Variants in TLL2 observed in about 807,000 individuals in gnomAD.
TLL2 encodes the protein tolloid-like protein 2.
In TLL2, 106 loss-of-function variants were observed where a neutral mutation model predicts 123.0. The ratio of observed to expected loss-of-function variants is 0.86; its 90% CI spans 0.74 to 1.01. TLL2 has a LOEUF of 1.01. Ranked by LOEUF, TLL2 falls within the 50% of genes least tolerant of loss-of-function variation. The probability of loss-of-function intolerance (pLI) is 0.00; values close to 1 mark genes in which losing one functional copy is unlikely to be tolerated. For synonymous variants in TLL2, 494 were observed against 516.8 expected (o/e 0.96, Z 0.60); for missense variants, 1,332 against 1,336.7 (o/e 1.00, Z 0.06).
At chr10:96,397,059 G>A in intron 11 of TLL2, 127 bp downstream of exon 11, 2 of 761,328 alleles carry the variant, frequency 2.6e-6, no homozygotes, top group South Asian at 4.1e-5. Context: ...CTTGCCCCCT[G>A]TGGTGGCTGC....
chr10:96,457,376 G>C (rs966374540), intron 2 of TLL2, among the ~76,000 whole-genome samples: 2 of 152,186 alleles, frequency 1.3e-5, no homozygotes, highest in Admixed American at 1.3e-4. Context: ...CCTACCCCAT[G>C]GTCCAGACTT....
chr10:96,453,582 T>C (rs528532606), intron 2 of TLL2, among the ~76,000 whole-genome samples: 2 of 152,260 alleles, frequency 1.3e-5, no homozygotes, highest in African/African-American at 2.4e-5. Flanking sequence ...AAAAAGGCTA[T>C]AGCAACTACA....
chr10:96,482,066 G>T (rs1158964507), intron 1 of TLL2, among the ~76,000 whole-genome samples: 1 of 152,088 alleles, frequency 6.6e-6, no homozygotes, highest in African/African-American at 2.4e-5. Context: ...GACCATCCTG[G>T]CTAACACGGT....
chr10:96,449,461 G>A (rs1208931389), intron 2 of TLL2, among the ~76,000 whole-genome samples: 2 of 152,204 alleles, frequency 1.3e-5, no homozygotes, highest in Non-Finnish European at 2.9e-5. Context: ...TAAGAATATA[G>A]AGCCCTCCCC....
At chr10:96,449,372 C>G (rs1175589598) in intron 2 of TLL2, among the ~76,000 whole-genome samples, 1 of 152,176 alleles carries the variant, frequency 6.6e-6, no homozygotes, top group Non-Finnish European at 1.5e-5. Context: ...CAAGGCATTG[C>G]CCATCCAGGA....
In TLL2 at chr10:96,376,787, C is replaced by T. The variant is rs764064578; in HGVS notation, c.2353G>A (p.Gly785Arg). ...GGCCAGTTGGGGCTCGCCAGGGTCC[C>T]CTCCACACTGCTGATCTTGTGTGCA... Reference protein sequence around the residue: ...GCAHKISSVEGTLASPNWPDK... With the variant: ...GCAHKISSVERTLASPNWPDK... The change falls in exon 18 of 21, where the codon GGG (glycine) becomes AGG (arginine). Residue 785 changes from glycine to arginine, a missense_variant. Coordinates refer to ENST00000357947, the MANE Select transcript of TLL2 (RefSeq NM_012465.4). 8 of 1,586,112 alleles carry T rather than the reference C, an allele frequency of 5.0e-6. 1 individual carries two copies. The South Asian group carries it at 9.2e-5, about 18-fold the overall frequency.
intron 10 of TLL2, among the ~76,000 whole-genome samples, chr10:96,403,513 A>C (rs935409547): frequency 3.3e-5 from 5 of 152,226 alleles, no homozygotes; most frequent in African/African-American, 1.2e-4. Flanking sequence ...CCTTGTTAAC[A>C]AAATGTTTAC....
At chr10:96,443,198 G>A (rs1196135904) in intron 3 of TLL2, among the ~76,000 whole-genome samples, 1 of 152,212 alleles carries the variant, frequency 6.6e-6, no homozygotes, top group Non-Finnish European at 1.5e-5. Context: ...GTGAGGTCAT[G>A]CCACTTCTCT....
chr10:96,382,533 C>A (rs903818022), intron 16 of TLL2, among the ~76,000 whole-genome samples: 1 of 152,206 alleles, frequency 6.6e-6, no homozygotes, highest in Non-Finnish European at 1.5e-5. Flanking sequence ...TGAATGGGTC[C>A]CCCAAAGTTC....
intron 6 of TLL2, among the ~76,000 whole-genome samples, chr10:96,421,881 T>C (rs1282468019): frequency 6.6e-6 from 1 of 151,974 alleles, no homozygotes; most frequent in East Asian, 1.9e-4. Context: ...AAAAACCTGA[T>C]CTTGCAATTT....
chr10:96,419,930 T>G (rs991504064), intron 7 of TLL2, among the ~76,000 whole-genome samples: 9 of 152,100 alleles, frequency 5.9e-5, no homozygotes, highest in African/African-American at 2.2e-4. Context: ...AGGGCAGGAT[T>G]TGCTGCCAAC....
chr10:96,379,789 T>G (rs1254582153), intron 16 of TLL2, among the ~76,000 whole-genome samples: 1 of 152,180 alleles, frequency 6.6e-6, no homozygotes, highest in African/African-American at 2.4e-5. Context: ...GCCAGTGCAC[T>G]CCAGCCTGGG....
At position 96,442,822 on chromosome 10, in the gene TLL2, G is replaced by A. The variant is rs186026579; in HGVS notation, c.364+3269C>T. Among the ~76,000 whole-genome samples, 7 of 152,356 alleles carry A rather than the reference G, an allele frequency of 4.6e-5. No homozygotes were observed. In the East Asian group the frequency reaches 1.4e-3, roughly 29 times the overall value. Reference sequence around the variant, plus strand: ...ACAGCTGTGGAATCCCAGTCCAGAGGTAGATGATGCACTTTCAATGCTGGA... The same window carrying A: ...ACAGCTGTGGAATCCCAGTCCAGAGATAGATGATGCACTTTCAATGCTGGA... On this transcript the variant is annotated intron_variant, in intron 3 of 20. Coordinates refer to ENST00000357947, the MANE Select transcript of TLL2 (RefSeq NM_012465.4).
intron 7 of TLL2, among the ~76,000 whole-genome samples, chr10:96,415,240 G>A (rs1418976024): frequency 6.6e-6 from 1 of 152,160 alleles, no homozygotes; most frequent in Non-Finnish European, 1.5e-5. Flanking sequence ...AAGCAACACT[G>A]AGCTCCTTGT....
At chr10:96,455,751 C>T (rs934315684) in intron 2 of TLL2, among the ~76,000 whole-genome samples, 2 of 152,238 alleles carry the variant, frequency 1.3e-5, no homozygotes, top group Non-Finnish European at 2.9e-5. Context: ...AATGGGCAAC[C>T]AGCAGCCCTT....
At chr10:96,449,344 G>A (rs1398655418) in intron 2 of TLL2, among the ~76,000 whole-genome samples, 1 of 152,212 alleles carries the variant, frequency 6.6e-6, no homozygotes, top group Non-Finnish European at 1.5e-5. Flanking sequence ...GGTAGAGGCT[G>A]CTTATTCCCA....
In TLL2 at chr10:96,366,018, A is replaced by C. The variant is rs1846022422; in HGVS notation, c.*2070T>G. 6.6e-6 allele frequency: 1 copy of C among 152,268 alleles called. No individual in the cohort carries two copies. The highest frequency in any genetic ancestry group is 2.1e-4 in the South Asian group (1 of 4,834). 9.4% of individuals were successfully genotyped at this position (152,268 alleles called of 1,614,324 possible). A position where few individuals can be genotyped will look rare whatever the true frequency, so the allele number is the denominator to read the frequency against. On this transcript the variant is annotated 3_prime_UTR_variant, in exon 21 of 21. Coordinates refer to ENST00000357947, the MANE Select transcript of TLL2 (RefSeq NM_012465.4). ...TCTATGAAATTTGTTAATCTTGCTT[A>C]GACTTCTAAAGGTTAAAACTGCAGA...
Position 96,367,132 on chromosome 10 carries a change from A to G in TLL2, c.*956T>C, listed in dbSNP as rs1203354849. The G allele has an allele frequency of 6.6e-6, 1 of 152,262 alleles. No homozygotes were observed. The highest frequency in any genetic ancestry group is 1.9e-4 in the East Asian group (1 of 5,200). The allele number at this position is 152,262 out of a possible 1,614,324, so 9.4% of individuals were successfully genotyped here. On this transcript the variant is annotated 3_prime_UTR_variant, in exon 21 of 21. Coordinates refer to ENST00000357947, the MANE Select transcript of TLL2 (RefSeq NM_012465.4). ...ACCAGTCTTCAACAGTGTTCACCCC[A>G]TAAGGGACCTGAATTGGTCCCTCAT...
At chr10:96,495,294 A>G (rs959558071) in intron 1 of TLL2, among the ~76,000 whole-genome samples, 2 of 152,170 alleles carry the variant, frequency 1.3e-5, no homozygotes, top group African/African-American at 4.8e-5. Flanking sequence ...CCACAGATGC[A>G]TTTAGTTCAT....
Sources: allele counts gnomAD v4.1 joint callset (sites outside exome capture counted in the v4.1 genomes callset), GRCh38; gene constraint gnomAD v4.1.1; transcripts MANE v1.5; gene names NCBI Gene and HGNC (gene_info 2026-07-23, HGNC 2026-07-21).